The following TENM3 variants were observed in gnomAD, a reference collection of about 807,000 sequenced individuals.
The protein encoded by TENM3 is teneurin transmembrane protein 3.
A neutral mutation model predicts 255.1 loss-of-function variants in TENM3; 63 were observed. The ratio of observed to expected loss-of-function variants is 0.25; its 90% CI spans 0.20 to 0.30. The LOEUF is 0.30. Ranked by LOEUF, TENM3 falls within the 10% of genes least tolerant of loss-of-function variation. The pLI is 1.00. For synonymous variants in TENM3, 1,306 were observed against 1,322.3 expected, an observed-to-expected ratio of 0.99 and a Z score of 0.27; for missense variants, 2,929 against 3,461.1, an observed-to-expected ratio of 0.85 and a Z score of 3.86.
At chr4:181,859,415 G>A in the TENM3 span, among the ~76,000 whole-genome samples, 118,179 of 151,948 alleles carry the variant, frequency 0.78, 46,271 homozygotes, top group East Asian at 0.95. Flanking sequence ...AGTAATAGTG[G>A]CAAGCTAATA....
At chr4:181,837,728 T>G in the TENM3 span, among the ~76,000 whole-genome samples, 3 of 151,978 alleles carry the variant, frequency 2.0e-5, no homozygotes, top group Non-Finnish European at 2.9e-5. Context: ...CAATTGAGTG[T>G]TCTAGCCCAA....
chr4:182,739,033 T>C (rs1761400282), intron 18 of TENM3, among the ~76,000 whole-genome samples: 1 of 148,106 alleles, frequency 6.8e-6, no homozygotes, highest in South Asian at 2.2e-4. Context: ...TTATTCTGAG[T>C]ATCTAGATTT....
At chr4:182,024,415 G>A in the TENM3 span, among the ~76,000 whole-genome samples, 1 of 151,910 alleles carries the variant, frequency 6.6e-6, no homozygotes, top group Non-Finnish European at 1.5e-5. Context: ...GGGTAAATCT[G>A]GTTGGTTGTT....
intron 1 of TENM3, among the ~76,000 whole-genome samples, chr4:182,309,911 C>A (rs1312544000): frequency 6.6e-6 from 1 of 152,180 alleles, no homozygotes; most frequent in Non-Finnish European, 1.5e-5. Context: ...GTGCCAATAA[C>A]TGTGCTGAAT....
chr4:182,340,679 T>C (rs1447496049), intron 2 of TENM3, among the ~76,000 whole-genome samples: 1 of 152,226 alleles, frequency 6.6e-6, no homozygotes, highest in African/African-American at 2.4e-5. Context: ...TATACTTCTT[T>C]TGCTGTGGAA....
At chr4:181,495,556 CGAGAGAGAGAGAGA>C in the TENM3 span, among the ~76,000 whole-genome samples, 1 of 148,670 alleles carries the variant, frequency 6.7e-6, no homozygotes, top group Non-Finnish European at 1.5e-5. Flanking sequence ...TTAGTATACA[CGAGAGAGAGAGAGA>C]GAGAGAGAGA....
chr4:182,111,415 G>C, the TENM3 span, among the ~76,000 whole-genome samples: 1 of 151,938 alleles, frequency 6.6e-6, no homozygotes, highest in Non-Finnish European at 1.5e-5. Context: ...AACTCCTCTG[G>C]TGCCTTTTTG....
chr4:182,149,559 G>GTAATAA (rs375778213), intron 1 of TENM3, among the ~76,000 whole-genome samples: 2 of 151,644 alleles, frequency 1.3e-5, no homozygotes, highest in African/African-American at 4.8e-5. Context: ...ACCATATCAT[G>GTAATAA]TAATAATAAT....
chr4:181,592,069 T>A, the TENM3 span, among the ~76,000 whole-genome samples: 1 of 152,114 alleles, frequency 6.6e-6, no homozygotes, highest in African/African-American at 2.4e-5. Context: ...GAAGAGCGAC[T>A]GCAAAGGATA....
chr4:182,475,348 G>A lies in TENM3; in HGVS notation c.512-125576G>A, dbSNP rs116817055. Among the ~76,000 whole-genome samples the A allele has an allele frequency of 3.8e-3, 574 of 152,138 alleles. 1 individual carries two copies. The highest frequency in any genetic ancestry group is 0.013 in the African/African-American group (557 of 41,506). On this transcript the variant is annotated intron_variant, in intron 3 of 27. Coordinates refer to ENST00000511685, the MANE Select transcript of TENM3 (RefSeq NM_001080477.4). ...AAATTATGTAAATACAAAACTGGTC[G>A]TGGAATGGAGAATGGGTGTGTCTAC...
At chr4:182,513,164 G>A (rs1432519261) in intron 3 of TENM3, among the ~76,000 whole-genome samples, 1 of 152,136 alleles carries the variant, frequency 6.6e-6, no homozygotes, top group African/African-American at 2.4e-5. Flanking sequence ...AACTACAGTG[G>A]AGTAATTTGG....
chr4:182,459,177 G>A (rs770611219), intron 3 of TENM3, among the ~76,000 whole-genome samples: 8 of 152,072 alleles, frequency 5.3e-5, no homozygotes, highest in Non-Finnish European at 1.2e-4. Flanking sequence ...ATCTATTCCC[G>A]AGAGAGTATT....
the TENM3 span, among the ~76,000 whole-genome samples, chr4:182,057,196 G>A: frequency 6.6e-6 from 1 of 151,344 alleles, no homozygotes; most frequent in Non-Finnish European, 1.5e-5. Flanking sequence ...ATTTAGAGGG[G>A]GACTGGATCC....
At chr4:181,916,626 C>A in the TENM3 span, among the ~76,000 whole-genome samples, 12 of 152,150 alleles carry the variant, frequency 7.9e-5, no homozygotes, top group Non-Finnish European at 1.6e-4. Flanking sequence ...CACCTGTAAT[C>A]TCAGCACTTT....
At chr4:181,580,956 T>C in the TENM3 span, among the ~76,000 whole-genome samples, 4 of 152,156 alleles carry the variant, frequency 2.6e-5, no homozygotes, top group Admixed American at 2.0e-4. Flanking sequence ...CAGAAAACTA[T>C]CCAAGGAGCC....
the TENM3 span, among the ~76,000 whole-genome samples, chr4:181,841,497 A>G: frequency 6.6e-6 from 1 of 152,100 alleles, no homozygotes; most frequent in Non-Finnish European, 1.5e-5. Flanking sequence ...TACATCATCA[A>G]GTTTGAGAAT....
chr4:182,765,117 A>T (rs1763581436), intron 22 of TENM3, among the ~76,000 whole-genome samples: 1 of 143,818 alleles, frequency 7.0e-6, no homozygotes, highest in African/African-American at 2.7e-5. Flanking sequence ...GTACCATGGC[A>T]CAGTCTAGCA....
In TENM3 at chr4:182,754,883, A is replaced by T; in HGVS notation, c.4516A>T (p.Asn1506Tyr). The T allele has an allele frequency of 6.2e-7, 1 of 1,614,036 alleles. No homozygotes were observed. The highest frequency in any genetic ancestry group is 8.5e-7 in the Non-Finnish European group (1 of 1,179,900). ...RAVSKNKPLL[N>Y]SMNFYEVASP... ...TGTGTCAAAGAATAAGCCTTTACTT[A>T]ACTCTATGAACTTCTATGAAGTTGC... The change falls in exon 22 of 28, where the codon AAC becomes TAC. Residue 1506 changes from asparagine to tyrosine, a missense_variant. Asn to Tyr is a moderately radical substitution (Grantham distance 143). Coordinates refer to ENST00000511685, the MANE Select transcript of TENM3 (RefSeq NM_001080477.4). This position sits in a 1 kb window ranked among gnomAD's most constrained non-coding sequence, Gnocchi z 5.1.
At chr4:182,360,760 CATT>C (rs1718997147) in intron 3 of TENM3, among the ~76,000 whole-genome samples, 1 of 151,900 alleles carries the variant, frequency 6.6e-6, no homozygotes, top group South Asian at 2.1e-4. Flanking sequence ...TTGAACCTGT[CATT>C]ATGATGTTAG....
Sources: allele counts gnomAD v4.1 joint callset (sites outside exome capture counted in the v4.1 genomes callset), GRCh38; gene constraint gnomAD v4.1.1; non-coding constraint Gnocchi (gnomAD v3.1); transcripts MANE v1.5; gene names NCBI Gene and HGNC (gene_info 2026-07-23, HGNC 2026-07-21).